Variants in SORCS1 observed in about 807,000 individuals in gnomAD.
SORCS1 encodes the protein VPS10 domain-containing receptor SorCS1.
In SORCS1, 60 loss-of-function variants were observed where a neutral mutation model predicts 146.1. The observed-to-expected ratio is 0.41, with a 90% CI of 0.33 to 0.51. The LOEUF (loss-of-function observed/expected upper bound fraction) is 0.51, where lower values mean the gene tolerates loss of function less well. SORCS1 is among the 20% of genes least tolerant of loss of function. SORCS1 has a pLI of 0.21. For synonymous variants in SORCS1, 637 were observed against 584.0 expected (o/e 1.09, Z -1.31); for missense variants, 1,352 against 1,487.6 (o/e 0.91, Z 1.50).
At chr10:106,894,458 C>A (rs1951385026) in intron 2 of SORCS1, among the ~76,000 whole-genome samples, 1 of 152,016 alleles carries the variant, frequency 6.6e-6, no homozygotes, top group Admixed American at 6.6e-5. Context: ...GCTAAACAGA[C>A]CATCTTTATT....
At chr10:106,947,146 T>C (rs1954388151) in intron 2 of SORCS1, among the ~76,000 whole-genome samples, 1 of 152,178 alleles carries the variant, frequency 6.6e-6, no homozygotes, top group Non-Finnish European at 1.5e-5. Context: ...AGTTACGTAT[T>C]GAAAATTCCA....
At chr10:107,040,990 C>T (rs1163849733) in intron 1 of SORCS1, among the ~76,000 whole-genome samples, 1 of 152,070 alleles carries the variant, frequency 6.6e-6, no homozygotes, top group African/African-American at 2.4e-5. Flanking sequence ...CCTCAAATAA[C>T]TTAAATGCCT....
At chr10:107,040,896 A>G (rs572407192) in intron 1 of SORCS1, among the ~76,000 whole-genome samples, 1 of 152,306 alleles carries the variant, frequency 6.6e-6, no homozygotes, top group East Asian at 1.9e-4. Flanking sequence ...CCTGGTATCT[A>G]TCCTAGAGAA....
At position 106,688,206 on chromosome 10, in the gene SORCS1, C is replaced by G. The variant is rs369987397; in HGVS notation, c.1546G>C (p.Val516Leu). The change falls in exon 10 of 26, where the codon GTG becomes CTG. Residue 516 changes from valine (V) to leucine (L), a missense_variant. Val to Leu is a conservative substitution (Grantham distance 32, BLOSUM62 1). Transcript: ENST00000263054. ...APDTDLRGDP[V>L]HCLLPYCSLH... ...GGAAGACTCACCAGCAAGCAGTGCACGGGGTCCCCCCTTAGATCCGTGTCC... is the reference window on the plus strand; with the variant it reads ...GGAAGACTCACCAGCAAGCAGTGCAGGGGGTCCCCCCTTAGATCCGTGTCC... 3.7e-6 allele frequency: 6 copies of G among 1,613,618 alleles called. No homozygotes were observed. The East Asian group carries it at 1.1e-4, about 30-fold the overall frequency.
At chr10:106,713,855 C>A (rs1266847348) in intron 6 of SORCS1, among the ~76,000 whole-genome samples, 1 of 151,956 alleles carries the variant, frequency 6.6e-6, no homozygotes, top group Non-Finnish European at 1.5e-5. Flanking sequence ...ACAGATACCC[C>A]AAGATACAAA....
At chr10:106,578,972 T>C in intron 25 of SORCS1, 1 of 1,449,944 alleles carries the variant, frequency 6.9e-7, no homozygotes, top group Non-Finnish European at 9.0e-7. Flanking sequence ...ATCTTAGCTG[T>C]TTCTCTCAGG....
chr10:106,915,682 C>T (rs1371063211), intron 2 of SORCS1, among the ~76,000 whole-genome samples: 2 of 152,170 alleles, frequency 1.3e-5, no homozygotes, highest in Non-Finnish European at 2.9e-5. Context: ...ATAGTAGACT[C>T]ACACTGAAAA....
chr10:107,018,619 AT>A (rs1008196094), intron 1 of SORCS1, among the ~76,000 whole-genome samples: 1 of 151,820 alleles, frequency 6.6e-6, no homozygotes, highest in African/African-American at 2.4e-5. Context: ...TTGTTAATCA[AT>A]TTTTTTGTTA....
intron 1 of SORCS1, among the ~76,000 whole-genome samples, chr10:106,994,504 C>T (rs531694794): frequency 6.6e-6 from 1 of 152,298 alleles, no homozygotes; most frequent in African/African-American, 2.4e-5. Context: ...TTTAAGCCAA[C>T]AGACAGTTTG....
At chr10:106,657,061 C>G (rs923051879) in intron 17 of SORCS1, among the ~76,000 whole-genome samples, 1 of 152,136 alleles carries the variant, frequency 6.6e-6, no homozygotes, top group Admixed American at 6.5e-5. Context: ...TCTTAAATAA[C>G]TAAAATTAGA....
In SORCS1 at chr10:106,909,653, C is replaced by T. The variant is rs570803906; in HGVS notation, c.626+46860G>A. On this transcript the variant is annotated intron_variant, in intron 2 of 25. Transcript: ENST00000263054. The stretch of plus-strand genomic sequence containing the variant: ...GCTGACAGCTTAAAATCCCTTTATC[C>T]CACATCCTTCCCAAGAGTTGTGTGC... Among the ~76,000 whole-genome samples, 14 of 152,278 alleles carry T rather than the reference C, an allele frequency of 9.2e-5. No individual in the cohort carries two copies. The South Asian group carries it at 2.9e-3, about 32-fold the overall frequency.
At chr10:106,989,669 T>TG (rs1956666143) in intron 1 of SORCS1, among the ~76,000 whole-genome samples, 4 of 128,872 alleles carry the variant, frequency 3.1e-5, no homozygotes, top group African/African-American at 1.3e-4. Context: ...ATATTTTTTC[T>TG]GTTTTTTTTT....
intron 5 of SORCS1, among the ~76,000 whole-genome samples, chr10:106,731,215 C>T (rs558007287): frequency 4.7e-5 from 7 of 148,836 alleles, no homozygotes; most frequent in African/African-American, 1.5e-4. Flanking sequence ...GAGGCATGAA[C>T]CCGGGAGGTA....
intron 5 of SORCS1, among the ~76,000 whole-genome samples, chr10:106,740,251 C>G (rs554761507): frequency 2.6e-5 from 4 of 152,294 alleles, no homozygotes; most frequent in African/African-American, 9.6e-5. Context: ...CTCAGTGAAT[C>G]ACCAATTACC....
intron 2 of SORCS1, among the ~76,000 whole-genome samples, chr10:106,932,180 G>A (rs1953453852): frequency 6.6e-6 from 1 of 152,058 alleles, no homozygotes; most frequent in South Asian, 2.1e-4. Flanking sequence ...ACTGGTAGAA[G>A]CATACTATAG....
rs1947689319 is a variant in SORCS1, at chr10:106,815,412, A to G, written c.726+14162T>C. On this transcript the variant is annotated intron_variant, in intron 3 of 25. Coordinates refer to ENST00000263054, the MANE Select transcript of SORCS1 (RefSeq NM_052918.5). ...AGGCCCTCTCCCACATATTTATTTC[A>G]GTGTTCTTTGTAATTCCCCCAAGTT... Among the ~76,000 whole-genome samples the G allele has an allele frequency of 3.9e-5, 6 of 152,354 alleles. No individual in the cohort carries two copies. The South Asian group carries it at 1.0e-3, about 26-fold the overall frequency.
intron 2 of SORCS1, among the ~76,000 whole-genome samples, chr10:106,885,345 A>C (rs995019190): frequency 6.6e-6 from 1 of 152,152 alleles, no homozygotes; most frequent in Non-Finnish European, 1.5e-5. Flanking sequence ...TCCTCTAGTC[A>C]GCCTCAGATC....
At chr10:107,015,434 A>C (rs934604581) in intron 1 of SORCS1, among the ~76,000 whole-genome samples, 1 of 152,144 alleles carries the variant, frequency 6.6e-6, no homozygotes, top group Admixed American at 6.5e-5. Context: ...GAGTTGACAG[A>C]GATGAGGGAG....
At chr10:107,098,996 T>G (rs1025409348) in intron 1 of SORCS1, among the ~76,000 whole-genome samples, 1 of 152,226 alleles carries the variant, frequency 6.6e-6, no homozygotes, top group African/African-American at 2.4e-5. Context: ...AGTACTGAAT[T>G]AGTCCCAGCA....
Sources: allele counts gnomAD v4.1 joint callset (sites outside exome capture counted in the v4.1 genomes callset), GRCh38; gene constraint gnomAD v4.1.1; transcripts MANE v1.5; gene names NCBI Gene and HGNC (gene_info 2026-07-23, HGNC 2026-07-21).